The following SATB2 variants were observed in gnomAD, a reference collection of about 807,000 sequenced individuals.
SATB2 encodes SATB homeobox 2, also known as DNA-binding protein SATB2.
In SATB2, 1 loss-of-function variant was observed where a neutral mutation model predicts 73.4. The observed-to-expected ratio is 0.01, with a 90% CI of 0.00 to 0.06. SATB2 has a LOEUF of 0.06. Among genes scored for constraint, SATB2 ranks in the 10% least tolerant of loss-of-function variants. The probability of loss-of-function intolerance (pLI) is 1.00; values close to 1 mark genes in which losing one functional copy is unlikely to be tolerated. For missense variants in SATB2, 459 were observed against 945.8 expected, an observed-to-expected ratio of 0.49 and a Z score of 6.75; for synonymous variants, 397 against 367.0, an observed-to-expected ratio of 1.08 and a Z score of -0.93.
At chr2:199,285,792 A>G (rs1316984616) in intron 10 of SATB2, among the ~76,000 whole-genome samples, 1 of 151,726 alleles carries the variant, frequency 6.6e-6, no homozygotes, top group African/African-American at 2.4e-5. Flanking sequence ...AAAGAAGACC[A>G]TGTCAAGAGA....
intron 10 of SATB2, among the ~76,000 whole-genome samples, chr2:199,296,291 A>T (rs1031030603): frequency 2.0e-5 from 3 of 152,234 alleles, no homozygotes; most frequent in Non-Finnish European, 4.4e-5. Flanking sequence ...CCCTCATTAA[A>T]ATACTCAAAT....
At chr2:199,300,294 CA>C (rs1559149713) in intron 10 of SATB2, among the ~76,000 whole-genome samples, 1 of 148,924 alleles carries the variant, frequency 6.7e-6, no homozygotes, top group African/African-American at 2.5e-5. Context: ...TAACAAATTC[CA>C]AAGCAATATT....
At chr2:199,299,996 G>C (rs976572546) in intron 10 of SATB2, among the ~76,000 whole-genome samples, 4 of 152,088 alleles carry the variant, frequency 2.6e-5, no homozygotes, top group Non-Finnish European at 5.9e-5. Flanking sequence ...AAAGAAGGAT[G>C]CATTTTAATG....
At chr2:199,434,317 A>G (rs1030108190) in intron 2 of SATB2, among the ~76,000 whole-genome samples, 3 of 152,240 alleles carry the variant, frequency 2.0e-5, no homozygotes, top group Non-Finnish European at 4.4e-5. Context: ...AAACTACCCT[A>G]AAGAATAAAG....
At chr2:199,327,865 T>C (rs963274127) in intron 8 of SATB2, among the ~76,000 whole-genome samples, 5 of 152,204 alleles carry the variant, frequency 3.3e-5, no homozygotes, top group Non-Finnish European at 5.9e-5. Flanking sequence ...CATTCTGATC[T>C]GGACACTGCA....
chr2:199,311,969 G>C (rs1687608821), intron 9 of SATB2, among the ~76,000 whole-genome samples: 1 of 151,964 alleles, frequency 6.6e-6, no homozygotes, highest in Non-Finnish European at 1.5e-5. Context: ...AGAGATAAAG[G>C]GTCCCCATAT....
chr2:199,408,849 G>A (rs1336671630), intron 3 of SATB2, among the ~76,000 whole-genome samples: 2 of 152,168 alleles, frequency 1.3e-5, no homozygotes, highest in African/African-American at 4.8e-5. Context: ...CAAAAAGTGA[G>A]CTCCTCATCT....
At chr2:199,299,243 T>A (rs1687211446) in intron 10 of SATB2, among the ~76,000 whole-genome samples, 1 of 152,200 alleles carries the variant, frequency 6.6e-6, no homozygotes, top group African/African-American at 2.4e-5. Context: ...ATCAAAACTA[T>A]TTTTTAAAAT....
chr2:199,428,232 G>A (rs1402673786), intron 3 of SATB2, among the ~76,000 whole-genome samples: 1 of 152,098 alleles, frequency 6.6e-6, no homozygotes, highest in African/African-American at 2.4e-5. Context: ...TTAGAAGTTG[G>A]CTTCAGTACA....
At chr2:199,283,274 T>A (rs1692585117) in intron 10 of SATB2, among the ~76,000 whole-genome samples, 1 of 150,176 alleles carries the variant, frequency 6.7e-6, no homozygotes, top group East Asian at 2.0e-4. Flanking sequence ...GTATTTTTTG[T>A]AGGGACGGGG....
Position 199,425,272 on chromosome 2 carries a change from G to C in SATB2, c.346+8066C>G, listed in dbSNP as rs374931413. On this transcript the variant is annotated intron_variant, in intron 3 of 10. Coordinates refer to ENST00000417098, the MANE Select transcript of SATB2 (RefSeq NM_001172509.2). ...TGGATCATTTTACGTGAATGTCTCA[G>C]ATGACCAGTCCCTTCCAGGTCATGG... 4.3e-4 allele frequency among the ~76,000 whole-genome samples: 66 copies of C among 152,316 alleles called. 1 individual carries two copies. The highest frequency in any genetic ancestry group is 1.2e-3 in the African/African-American group (50 of 41,576).
At chr2:199,432,809 A>G (rs1691541707) in intron 3 of SATB2, among the ~76,000 whole-genome samples, 1 of 152,244 alleles carries the variant, frequency 6.6e-6, no homozygotes, top group Non-Finnish European at 1.5e-5. Context: ...TATTTAATCA[A>G]ATAAGTGAAA....
At position 199,436,766 on chromosome 2, in the gene SATB2, G is replaced by A. The variant is rs955899726; in HGVS notation, c.170-3252C>T. Among the ~76,000 whole-genome samples the A allele has an allele frequency of 2.6e-5, 4 of 151,980 alleles. No individual in the cohort carries two copies. In the South Asian group the frequency reaches 8.3e-4, roughly 32 times the overall value. On this transcript the variant is annotated intron_variant, in intron 2 of 10. Coordinates refer to ENST00000417098, the MANE Select transcript of SATB2 (RefSeq NM_001172509.2). ...TAGAAAGAAGAAAATTAAGGCACAGGTTTAAAAGGCCTTTAAAAACCAGAA... is the reference window on the plus strand; with the variant it reads ...TAGAAAGAAGAAAATTAAGGCACAGATTTAAAAGGCCTTTAAAAACCAGAA...
chr2:199,373,988 AT>A (rs1187697098), intron 5 of SATB2, among the ~76,000 whole-genome samples: 1 of 152,188 alleles, frequency 6.6e-6, no homozygotes, highest in Non-Finnish European at 1.5e-5. Flanking sequence ...CACATGCTCA[AT>A]TTGTTTTTTT....
intron 7 of SATB2, 74 bp from the exon 8 acceptor site, chr2:199,328,984 C>G (rs1419034474): frequency 5.2e-6 from 6 of 1,145,808 alleles, no homozygotes; most frequent in Non-Finnish European, 7.8e-6. Flanking sequence ...TCTTCCACCC[C>G]TCTCCTCCTT....
At chr2:199,390,247 GTTT>G (rs1406821327) in intron 3 of SATB2, among the ~76,000 whole-genome samples, 1 of 152,080 alleles carries the variant, frequency 6.6e-6, no homozygotes, top group African/African-American at 2.4e-5. Flanking sequence ...TGTGGTTGGT[GTTT>G]AGTTATTTAT....
intron 6 of SATB2, among the ~76,000 whole-genome samples, chr2:199,354,618 A>G (rs955342622): frequency 2.6e-5 from 4 of 152,192 alleles, no homozygotes; most frequent in Non-Finnish European, 4.4e-5. Context: ...AGCTATTCCA[A>G]CATCTGGGGA....
chr2:199,285,604 A>G (rs1188811863), intron 10 of SATB2, among the ~76,000 whole-genome samples: 1 of 152,238 alleles, frequency 6.6e-6, no homozygotes, highest in East Asian at 1.9e-4. Context: ...AGTATCCATG[A>G]AGTGATGACA....
At chr2:199,429,944 A>C (rs751255496) in intron 3 of SATB2, among the ~76,000 whole-genome samples, 2 of 152,196 alleles carry the variant, frequency 1.3e-5, no homozygotes, top group South Asian at 4.1e-4. Flanking sequence ...ATCAACAGTC[A>C]ATTTTAAAAT....
Sources: allele counts gnomAD v4.1 joint callset (sites outside exome capture counted in the v4.1 genomes callset), GRCh38; gene constraint gnomAD v4.1.1; transcripts MANE v1.5; gene names NCBI Gene and HGNC (gene_info 2026-07-23, HGNC 2026-07-21).